The following HDAC9 variants were observed in gnomAD, a reference collection of about 807,000 sequenced individuals.
HDAC9 encodes MEF-2 interacting transcription repressor (MITR) protein.
In HDAC9, 41 loss-of-function variants were observed where a neutral mutation model predicts 139.4. That is an observed-to-expected ratio of 0.29 (90% confidence interval 0.23 to 0.38). HDAC9 has a LOEUF of 0.38. Ranked by LOEUF, HDAC9 falls within the 10% of genes least tolerant of loss-of-function variation. HDAC9 has a pLI of 1.00. For synonymous variants in HDAC9, 517 were observed against 476.2 expected, an observed-to-expected ratio of 1.09 and a Z score of -1.12; for missense variants, 1,147 against 1,297.0, an observed-to-expected ratio of 0.88 and a Z score of 1.78.
intron 17 of HDAC9, among the ~76,000 whole-genome samples, chr7:18,801,231 GC>G (rs1481254535): frequency 6.6e-6 from 1 of 151,756 alleles, no homozygotes; most frequent in Non-Finnish European, 1.5e-5. Context: ...TTTACTACAG[GC>G]TATTGTAAAT....
rs533310516 is a variant in HDAC9 at position 18,359,217 on chromosome 7, G to A, written c.-42+68702G>A. Among the ~76,000 whole-genome samples, 30 of 152,244 alleles carry A rather than the reference G, an allele frequency of 2.0e-4. No individual in the cohort carries two copies. In the South Asian group the frequency reaches 6.0e-3, roughly 30 times the overall value. On this transcript the variant is annotated intron_variant, in intron 1 of 3. Transcript: ENST00000413509. ...CTAGAAATACAAAAGGTAGCCGGGC[G>A]TGGTGGTGCACACCCAGCAACTTGG...
At chr7:18,927,769 G>T (rs948238475) in intron 22 of HDAC9, among the ~76,000 whole-genome samples, 1 of 152,148 alleles carries the variant, frequency 6.6e-6, no homozygotes, top group Admixed American at 6.6e-5. Context: ...ATCATCATGA[G>T]ATAGGTGTCA....
chr7:18,502,908 AAATAT>A (rs1421766599), intron 2 of HDAC9, among the ~76,000 whole-genome samples: 1 of 152,172 alleles, frequency 6.6e-6, no homozygotes, highest in Non-Finnish European at 1.5e-5. Flanking sequence ...TTTTTTTGAG[AAATAT>A]AATAATATAT....
chr7:18,505,004 T>C (rs184685160), intron 2 of HDAC9, among the ~76,000 whole-genome samples: 1 of 152,290 alleles, frequency 6.6e-6, no homozygotes, highest in East Asian at 1.9e-4. Context: ...AAGGCACAAA[T>C]AGGCAAGCAT....
chr7:18,748,189 G>C (rs1294441015), intron 13 of HDAC9, among the ~76,000 whole-genome samples: 1 of 152,042 alleles, frequency 6.6e-6, no homozygotes, highest in Non-Finnish European at 1.5e-5. Flanking sequence ...GCTTTAAAAA[G>C]TCCTATTTTA....
At chr7:18,208,590 G>C (rs967745672) in intron 2 of HDAC9, among the ~76,000 whole-genome samples, 1 of 151,942 alleles carries the variant, frequency 6.6e-6, no homozygotes, top group African/African-American at 2.4e-5. Flanking sequence ...TGGCCAGGCT[G>C]GTCTCCAACT....
At chr7:18,669,985 G>C (rs1308471955) in intron 12 of HDAC9, among the ~76,000 whole-genome samples, 2 of 151,578 alleles carry the variant, frequency 1.3e-5, no homozygotes, top group Non-Finnish European at 2.9e-5. Flanking sequence ...ATGTTGAAAA[G>C]GAATTCAGAC....
chr7:18,218,489 G>A (rs1016006721), intron 2 of HDAC9, among the ~76,000 whole-genome samples: 2 of 152,080 alleles, frequency 1.3e-5, no homozygotes, highest in African/African-American at 4.8e-5. Flanking sequence ...GTGACATACT[G>A]TTCCTTCTAC....
At chr7:18,705,120 C>T (rs1012320364) in intron 12 of HDAC9, among the ~76,000 whole-genome samples, 8 of 152,144 alleles carry the variant, frequency 5.3e-5, no homozygotes, top group East Asian at 1.9e-4. Flanking sequence ...GATGTACCTG[C>T]GGGACTTCTG....
intron 2 of HDAC9, among the ~76,000 whole-genome samples, chr7:18,539,528 C>CTCACG (rs1563197816): frequency 6.6e-6 from 1 of 152,176 alleles, no homozygotes; most frequent in African/African-American, 2.4e-5. Context: ...CGGTATTGTA[C>CTCACG]TCACGTTAAT....
chr7:18,451,368 C>CTT (rs1554422576), intron 1 of HDAC9, among the ~76,000 whole-genome samples: 1 of 138,800 alleles, frequency 7.2e-6, no homozygotes, highest in Non-Finnish European at 1.6e-5. Context: ...TGTATATGTG[C>CTT]GTGTGTGTGT....
At chr7:18,191,147 C>G (rs945867877) in intron 2 of HDAC9, among the ~76,000 whole-genome samples, 2 of 152,138 alleles carry the variant, frequency 1.3e-5, no homozygotes, top group African/African-American at 4.8e-5. Flanking sequence ...TTACTGATAA[C>G]ATAAACCATT....
intron 2 of HDAC9, among the ~76,000 whole-genome samples, chr7:18,535,320 A>G (rs1044333771): frequency 6.6e-6 from 1 of 152,126 alleles, no homozygotes; most frequent in Non-Finnish European, 1.5e-5. Context: ...CCCCAAATTG[A>G]TATAATAAAT....
intron 25 of HDAC9, among the ~76,000 whole-genome samples, chr7:18,987,905 G>T (rs1208604582): frequency 1.3e-5 from 2 of 152,146 alleles, no homozygotes; most frequent in East Asian, 3.9e-4. Flanking sequence ...TGTGGGATCG[G>T]TGGTGATATC....
chr7:18,209,423 A>G (rs1791779727), intron 2 of HDAC9, among the ~76,000 whole-genome samples: 1 of 152,186 alleles, frequency 6.6e-6, no homozygotes, highest in Admixed American at 6.5e-5. Context: ...TTCTTTCTAT[A>G]GCCATATCTC....
chr7:18,757,949 T>A (rs1789028695), intron 14 of HDAC9, among the ~76,000 whole-genome samples: 1 of 152,192 alleles, frequency 6.6e-6, no homozygotes, highest in South Asian at 2.1e-4. Context: ...AACCTGAATA[T>A]AGACTGTTTA....
intron 12 of HDAC9, among the ~76,000 whole-genome samples, chr7:18,695,269 T>G (rs1263584781): frequency 6.6e-6 from 1 of 152,164 alleles, no homozygotes; most frequent in Non-Finnish European, 1.5e-5. Flanking sequence ...ATGTTATGTC[T>G]ATTCAGGGAC....
intron 1 of HDAC9, among the ~76,000 whole-genome samples, chr7:18,425,225 A>G (rs140734539): frequency 1.3e-5 from 2 of 152,356 alleles, no homozygotes; most frequent in South Asian, 2.1e-4. Context: ...AGAAAAATGC[A>G]AAATTATCAT....
At chr7:18,744,199 T>C (rs888174371) in intron 13 of HDAC9, among the ~76,000 whole-genome samples, 10 of 151,496 alleles carry the variant, frequency 6.6e-5, no homozygotes, top group African/African-American at 2.2e-4. Flanking sequence ...TCCATGTTGG[T>C]CAGGCTGGTC....
Sources: allele counts gnomAD v4.1 joint callset (sites outside exome capture counted in the v4.1 genomes callset), GRCh38; gene constraint gnomAD v4.1.1; transcripts MANE v1.5; gene names NCBI Gene and HGNC (gene_info 2026-07-23, HGNC 2026-07-21).